MACROD2: variants seen among roughly 807,000 people sequenced by gnomAD.
MACROD2 encodes the protein ADP-ribose glycohydrolase MACROD2.
Under a neutral mutation model 70.4 loss-of-function variants are expected in MACROD2, and 36 were observed. The observed-to-expected ratio is 0.51, with a 90% CI of 0.39 to 0.68. The LOEUF is 0.68. Ranked by LOEUF, MACROD2 falls within the 30% of genes least tolerant of loss-of-function variation. MACROD2 has a pLI of 0.00. For synonymous variants in MACROD2, 172 were observed against 178.8 expected (o/e 0.96, Z 0.30); for missense variants, 496 against 538.4 (o/e 0.92, Z 0.78).
chr20:14,238,016 T>G (rs2081893344), intron 3 of MACROD2, among the ~76,000 whole-genome samples: 1 of 152,182 alleles, frequency 6.6e-6, no homozygotes, highest in African/African-American at 2.4e-5. Flanking sequence ...CGTGTGCATG[T>G]GTCTTTATAG....
intron 5 of MACROD2, among the ~76,000 whole-genome samples, chr20:15,149,974 G>T (rs1367572692): frequency 6.6e-6 from 1 of 152,070 alleles, no homozygotes; most frequent in African/African-American, 2.4e-5. Flanking sequence ...TAATGGTTTT[G>T]TTAGGATGGC....
chr20:15,519,197 G>A (rs533567477), intron 8 of MACROD2, among the ~76,000 whole-genome samples: 5 of 151,810 alleles, frequency 3.3e-5, no homozygotes, highest in South Asian at 2.1e-4. Context: ...TGCAAGCTCC[G>A]CCTCCTGGGT....
At chr20:15,888,099 A>G (rs532131912) in intron 10 of MACROD2, among the ~76,000 whole-genome samples, 1 of 152,224 alleles carries the variant, frequency 6.6e-6, no homozygotes, top group South Asian at 2.1e-4. Context: ...TGTGATACTT[A>G]CTAAAATCAT....
At chr20:14,756,579 G>A (rs1474838754) in intron 5 of MACROD2, among the ~76,000 whole-genome samples, 1 of 152,082 alleles carries the variant, frequency 6.6e-6, no homozygotes, top group Non-Finnish European at 1.5e-5. Context: ...TTGGAAGCTT[G>A]TCAAGCCCCT....
chr20:14,421,601 G>A (rs1027925200), intron 3 of MACROD2, among the ~76,000 whole-genome samples: 1 of 152,012 alleles, frequency 6.6e-6, no homozygotes, highest in Non-Finnish European at 1.5e-5. Flanking sequence ...TGTTTGTTGT[G>A]ATTTTATTTT....
At chr20:14,451,432 G>A (rs1384385293) in intron 3 of MACROD2, among the ~76,000 whole-genome samples, 3 of 152,124 alleles carry the variant, frequency 2.0e-5, no homozygotes, top group African/African-American at 7.2e-5. Flanking sequence ...CTGTGACAGA[G>A]AGAAACTGTG....
At chr20:14,624,368 T>A (rs1034693895) in intron 4 of MACROD2, among the ~76,000 whole-genome samples, 3 of 152,174 alleles carry the variant, frequency 2.0e-5, no homozygotes, top group Admixed American at 6.6e-5. Context: ...AAGGGACATT[T>A]TAATGCTGTC....
At position 14,314,138 on chromosome 20, in the gene MACROD2, A is replaced by G. The variant is rs572223550; in HGVS notation, c.272-179341A>G. ...TGGAAAGCTCAAAGAAGACTTCTTTACCATTTTAACAGCTTTAAGATAACT... is the reference window on the plus strand; with the variant it reads ...TGGAAAGCTCAAAGAAGACTTCTTTGCCATTTTAACAGCTTTAAGATAACT... On this transcript the variant is annotated intron_variant, in intron 3 of 17. Transcript: ENST00000684519. Among the ~76,000 whole-genome samples, 19 of 152,356 alleles carry G rather than the reference A, an allele frequency of 1.2e-4. No homozygotes were observed. The East Asian group carries it at 2.9e-3, about 23-fold the overall frequency.
intron 6 of MACROD2, among the ~76,000 whole-genome samples, chr20:15,240,907 A>G (rs927418680): frequency 6.6e-6 from 1 of 152,168 alleles, no homozygotes; most frequent in East Asian, 1.9e-4. Context: ...GGGGAACAGA[A>G]TTGTCCAGAA....
intron 8 of MACROD2, among the ~76,000 whole-genome samples, chr20:15,533,544 G>GCTCTCTCTCTCTCTCTCT (rs3071260): frequency 7.1e-6 from 1 of 141,062 alleles, no homozygotes; most frequent in Admixed American, 7.0e-5. Context: ...TGTCTCTGTC[G>GCTCTCTCTCTCTCTCTCT]CTCTCTCTCT....
At chr20:15,982,619 C>T (rs1940795786) in intron 13 of MACROD2, among the ~76,000 whole-genome samples, 1 of 152,102 alleles carries the variant, frequency 6.6e-6, no homozygotes, top group African/African-American at 2.4e-5. Context: ...CTAGAGTAAA[C>T]TGAGTCTAAC....
intron 3 of MACROD2, among the ~76,000 whole-genome samples, chr20:14,284,693 T>G (rs1298485530): frequency 7.2e-5 from 11 of 152,204 alleles, no homozygotes; most frequent in Non-Finnish European, 1.6e-4. Flanking sequence ...AATTGCATAA[T>G]ACTTTCTAAA....
intron 5 of MACROD2, among the ~76,000 whole-genome samples, chr20:15,107,666 C>G (rs1430402982): frequency 6.6e-6 from 1 of 151,934 alleles, no homozygotes; most frequent in Non-Finnish European, 1.5e-5. Flanking sequence ...GATACTTTTA[C>G]AGAGATAATA....
chr20:14,270,587 C>A (rs866477099), intron 3 of MACROD2, among the ~76,000 whole-genome samples: 226 of 124,712 alleles, frequency 1.8e-3, no homozygotes, highest in South Asian at 2.2e-3. Context: ...GACTCCATCT[C>A]AAAAAAAAAA....
intron 9 of MACROD2, among the ~76,000 whole-genome samples, chr20:15,870,801 AAGTC>A (rs2064569681): frequency 6.6e-6 from 1 of 152,200 alleles, no homozygotes; most frequent in Admixed American, 6.5e-5. Context: ...TTCAGGTAAA[AAGTC>A]AGTTTTTCCT....
At chr20:15,040,927 A>C (rs537238939) in intron 5 of MACROD2, among the ~76,000 whole-genome samples, 1 of 152,344 alleles carries the variant, frequency 6.6e-6, no homozygotes, top group East Asian at 1.9e-4. Flanking sequence ...GTATAGAGAT[A>C]GTTTTCCAGA....
chr20:14,217,952 G>T (rs2081637790), intron 3 of MACROD2, among the ~76,000 whole-genome samples: 2 of 152,082 alleles, frequency 1.3e-5, no homozygotes, highest in Admixed American at 1.3e-4. Context: ...CTATCTTGGA[G>T]AAAGTTCCAC....
intron 5 of MACROD2, among the ~76,000 whole-genome samples, chr20:14,837,079 T>C (rs2073037877): frequency 6.6e-6 from 1 of 151,652 alleles, no homozygotes; most frequent in Non-Finnish European, 1.5e-5. Context: ...GTGTTTTCTC[T>C]CTTCACTCTT....
At chr20:15,921,702 T>C (rs989183156) in intron 10 of MACROD2, among the ~76,000 whole-genome samples, 1 of 152,162 alleles carries the variant, frequency 6.6e-6, no homozygotes, top group African/African-American at 2.4e-5. Flanking sequence ...AATTATTTGG[T>C]TTAAAAATCT....
Sources: gnomAD v4.1 joint callset for allele counts (sites outside exome capture counted in the v4.1 genomes callset) on GRCh38, gnomAD v4.1.1 for gene constraint, MANE v1.5 for transcripts, NCBI Gene and HGNC (gene_info 2026-07-23, HGNC 2026-07-21) for gene names.